The following EGLN1 variants were observed in gnomAD, a reference collection of about 807,000 sequenced individuals.
EGLN1 encodes the protein egl nine homolog 1.
A neutral mutation model predicts 38.3 loss-of-function variants in EGLN1; 17 were observed. That is an observed-to-expected ratio of 0.44 (90% confidence interval 0.30 to 0.67). The LOEUF is 0.67. EGLN1 is among the 30% of genes least tolerant of loss of function. The pLI is 0.08. For missense variants in EGLN1, 477 were observed against 603.3 expected (o/e 0.79, Z 2.19); for synonymous variants, 283 against 257.5 (o/e 1.10, Z -0.95).
intron 4 of EGLN1, 32 bp from the exon 5 acceptor site, chr1:231,366,507 C>CAGA: frequency 6.3e-7 from 1 of 1,595,326 alleles, no homozygotes; most frequent in Non-Finnish European, 8.6e-7. Flanking sequence ...AATTTTCATT[C>CAGA]ATTCACTAAG....
rs144067360 is a variant in EGLN1, at chr1:231,365,917, C to T, written c.*494G>A. The T allele has an allele frequency of 0.01, 1,621 of 156,490 alleles. 27 individuals are homozygous for T. Among genetic ancestry groups the T allele is most frequent in the African/African-American group, 0.037 (1,531 of 41,546 alleles). 9.7% of individuals were successfully genotyped at this position (156,490 alleles called of 1,614,324 possible). A position where few individuals can be genotyped will look rare whatever the true frequency, so the allele number is the denominator to read the frequency against. On this transcript the variant is annotated 3_prime_UTR_variant, in exon 5 of 5. Coordinates refer to ENST00000366641, the MANE Select transcript of EGLN1 (RefSeq NM_022051.3). ...CTGGCAACAATCATTATTAAGAGGT[C>T]TTTTAGGGCAAAATTTAATAGTATG...
At chr1:231,406,671 G>A (rs1018657826) in intron 1 of EGLN1, among the ~76,000 whole-genome samples, 1 of 151,926 alleles carries the variant, frequency 6.6e-6, no homozygotes, top group Admixed American at 6.6e-5. Context: ...TTTAGTTTTG[G>A]TATGGTTTTT....
At chr1:231,394,067 C>T (rs1172600151) in intron 1 of EGLN1, among the ~76,000 whole-genome samples, 1 of 152,192 alleles carries the variant, frequency 6.6e-6, no homozygotes, top group Admixed American at 6.5e-5. Context: ...TCTCATCCTC[C>T]TTGTGGCTTC....
rs1443135648 is a variant in EGLN1 at position 231,421,899 on chromosome 1, GCGGCGGCGA to G, written c.-20_-12del. The G allele has an allele frequency of 1.9e-5, 27 of 1,412,560 alleles. No individual in the cohort carries two copies. The highest frequency in any genetic ancestry group is 2.4e-5 in the Non-Finnish European group (26 of 1,093,192). The allele number at this position is 1,412,560 out of a possible 1,614,324, so 87.5% of individuals were successfully genotyped here. ...GCTGTCATTGGCCATGGCGGCGGCG[GCGGCGGCGA>G]CGGCGACTGCGGCGGCCGAGCAGGA... On this transcript the variant is annotated 5_prime_UTR_variant, in exon 1 of 5. Transcript: ENST00000366641. The surrounding 1 kb of genome is among the most constrained non-coding windows in gnomAD (Gnocchi z 5.5).
At chr1:231,378,025 A>G (rs1345217039) in intron 1 of EGLN1, among the ~76,000 whole-genome samples, 1 of 152,208 alleles carries the variant, frequency 6.6e-6, no homozygotes, top group Admixed American at 6.5e-5. Flanking sequence ...GTATTATTTA[A>G]AAGTGGCCAT....
Position 231,421,711 on chromosome 1 carries a change from C to G in EGLN1, c.178G>C (p.Gly60Arg). ...CCGTGGCCGAGGGCGCCCTCGCTGC[C>G]CTGGCACACGAGCTTGTGCTTCTTC... Reference protein sequence around the residue: ...DWKKHKLVCQGSEGALGHGVG... With the variant: ...DWKKHKLVCQRSEGALGHGVG... The change falls in exon 1 of 5, where the codon GGC (glycine) becomes CGC (arginine). Residue 60 changes from glycine to arginine, a missense_variant. This residue lies in a region of EGLN1 where 298 missense variants were observed against 288.9 expected (regional missense o/e 1.03). Transcript: ENST00000366641. This position sits in a 1 kb window ranked among gnomAD's most constrained non-coding sequence, Gnocchi z 5.5. 1 of 1,523,828 alleles carries G rather than the reference C, an allele frequency of 6.6e-7. No individual in the cohort carries two copies. Among genetic ancestry groups the G allele is most frequent in the Non-Finnish European group, 8.8e-7 (1 of 1,142,444 alleles). The allele number at this position is 1,523,828 out of a possible 1,614,324, so 94.4% of individuals were successfully genotyped here.
rs767045832 is a variant in EGLN1, at chr1:231,421,367, G to A, written c.522C>T (p.Ser174=). ...PPSNTPGDAL[S]PGGGLRPNGQ... Reference sequence around the variant, plus strand: ...CGTTGGGCCGCAGGCCGCCGCCGGGGCTCAGCGCATCCCCGGGCGTGTTGC... The same window carrying A: ...CGTTGGGCCGCAGGCCGCCGCCGGGACTCAGCGCATCCCCGGGCGTGTTGC... Residue 174 remains serine (S), a synonymous_variant, in exon 1 of 5, where the codon AGC becomes AGT. Transcript: ENST00000366641. The surrounding 1 kb of genome is among the most constrained non-coding windows in gnomAD (Gnocchi z 5.5). 3.8e-5 allele frequency: 61 copies of A among 1,609,186 alleles called. No homozygotes were observed. The highest frequency in any genetic ancestry group is 5.2e-5 in the Non-Finnish European group (61 of 1,177,864).
chr1:231,395,017 G>A (rs559838118), intron 1 of EGLN1, among the ~76,000 whole-genome samples: 20 of 152,248 alleles, frequency 1.3e-4, no homozygotes, highest in South Asian at 6.2e-4. Context: ...CAGGAGGTCT[G>A]GAGTGGGGAA....
intron 1 of EGLN1, among the ~76,000 whole-genome samples, chr1:231,402,972 C>CATT (rs1328785513): frequency 6.7e-6 from 1 of 150,200 alleles, no homozygotes; most frequent in African/African-American, 2.4e-5. Context: ...CACCCTGTAC[C>CATT]ATTGCTCTAC....
chr1:231,391,481 G>A (rs1380121096), intron 1 of EGLN1, among the ~76,000 whole-genome samples: 1 of 151,802 alleles, frequency 6.6e-6, no homozygotes, highest in Non-Finnish European at 1.5e-5. Context: ...CCTTTATGAC[G>A]ACACAGATCA....
At chr1:231,397,380 T>G (rs1688556483) in intron 1 of EGLN1, among the ~76,000 whole-genome samples, 1 of 152,238 alleles carries the variant, frequency 6.6e-6, no homozygotes, top group South Asian at 2.1e-4. Context: ...GAAGACACAC[T>G]GGTTACCTGT....
chr1:231,401,208 G>A (rs1688655007), intron 1 of EGLN1, among the ~76,000 whole-genome samples: 1 of 152,042 alleles, frequency 6.6e-6, no homozygotes, highest in Non-Finnish European at 1.5e-5. Flanking sequence ...AACTATCCTG[G>A]TTTACCTAAC....
Position 231,421,565 on chromosome 1 carries a change from G to A in EGLN1, c.324C>T (p.Ala108=), listed in dbSNP as rs1265610688. The A allele has an allele frequency of 2.3e-6, 3 of 1,308,886 alleles. No individual in the cohort carries two copies. The highest frequency in any genetic ancestry group is 1.9e-6 in the Non-Finnish European group (2 of 1,035,488). 81.1% of individuals were successfully genotyped at this position (1,308,886 alleles called of 1,614,324 possible). Residue 108 remains alanine, a synonymous_variant, in exon 1 of 5, where the codon GCC becomes GCT. Transcript: ENST00000366641. This position sits in a 1 kb window ranked among gnomAD's most constrained non-coding sequence, Gnocchi z 5.5. The stretch of plus-strand genomic sequence containing the variant: ...GGGGCTTGGCCTTTACTTTTCCCTT[G>A]GCCGCGTCCCCGGAGGCGTTGTCCC... ...ARRDNASGDA[A]KGKVKAKPPA...
chr1:231,416,398 A>C (rs1689083234), intron 1 of EGLN1, among the ~76,000 whole-genome samples: 1 of 151,698 alleles, frequency 6.6e-6, no homozygotes, highest in Non-Finnish European at 1.5e-5. Context: ...ATTATTAGGT[A>C]GTAGATAAGT....
chr1:231,391,095 TGTGTGTG>T (rs1688366633), intron 1 of EGLN1, among the ~76,000 whole-genome samples: 3 of 60,420 alleles, frequency 5.0e-5, no homozygotes, highest in Admixed American at 1.6e-4. Context: ...TTTTTTTTTG[TGTGTGTG>T]TGTGTGTGTG....
At chr1:231,413,116 C>T (rs116483628) in intron 1 of EGLN1, among the ~76,000 whole-genome samples, 279 of 152,226 alleles carry the variant, frequency 1.8e-3, no homozygotes, top group Non-Finnish European at 3.3e-3. Context: ...CACGCTGCTG[C>T]CCAGGTTGGA....
Position 231,401,452 on chromosome 1 carries a change from G to GA in EGLN1, c.891+19545dup, listed in dbSNP as rs202135246. 7.3e-3 allele frequency among the ~76,000 whole-genome samples: 1,110 copies of GA among 152,234 alleles called. 8 individuals carry two copies. Among genetic ancestry groups the GA allele is most frequent in the South Asian group, 0.011 (52 of 4,822 alleles). ...TCACTAGCCCAGCAATTATAGTCTAGAAATTTTTCTTACAAAAACCTTGTT... is the reference window on the plus strand; with the variant it reads ...TCACTAGCCCAGCAATTATAGTCTAGAAAATTTTTCTTACAAAAACCTTGTT... On this transcript the variant is annotated intron_variant, in intron 1 of 4. Coordinates refer to ENST00000366641, the MANE Select transcript of EGLN1 (RefSeq NM_022051.3).
intron 1 of EGLN1, among the ~76,000 whole-genome samples, chr1:231,416,866 CAG>C (rs1463660543): frequency 7.2e-5 from 11 of 152,140 alleles, no homozygotes; most frequent in Non-Finnish European, 1.3e-4. Flanking sequence ...TTTCTACATA[CAG>C]AGTAACTCAC....
At position 231,421,569 on chromosome 1, in the gene EGLN1, G is replaced by A; in HGVS notation, c.320C>T (p.Ala107Val). Reference protein sequence around the residue: ...AARRDNASGDAAKGKVKAKPP... With the variant: ...AARRDNASGDVAKGKVKAKPP... ...CTTGGCCTTTACTTTTCCCTTGGCC[G>A]CGTCCCCGGAGGCGTTGTCCCGGCG... The change falls in exon 1 of 5, where the codon GCG (alanine) becomes GTG (valine). Residue 107 changes from alanine (A) to valine (V), a missense_variant. Coordinates refer to ENST00000366641, the MANE Select transcript of EGLN1 (RefSeq NM_022051.3). The surrounding 1 kb of genome is among the most constrained non-coding windows in gnomAD (Gnocchi z 5.5). 1 of 1,307,928 alleles carries A rather than the reference G, an allele frequency of 7.6e-7. No homozygotes were observed. The highest frequency in any genetic ancestry group is 9.7e-7 in the Non-Finnish European group (1 of 1,035,332). The allele number at this position is 1,307,928 out of a possible 1,614,324, so 81.0% of individuals were successfully genotyped here.
Sources: allele counts gnomAD v4.1 joint callset (sites outside exome capture counted in the v4.1 genomes callset), GRCh38; gene constraint gnomAD v4.1.1; regional missense constraint gnomAD v4.1.1; non-coding constraint Gnocchi (gnomAD v3.1); transcripts MANE v1.5; gene names NCBI Gene and HGNC (gene_info 2026-07-23, HGNC 2026-07-21).